Variants in RYK observed in about 807,000 individuals in gnomAD.
RYK encodes receptor like tyrosine kinase.
Under a neutral mutation model 70.2 loss-of-function variants are expected in RYK, and 21 were observed. That is an observed-to-expected ratio of 0.30 (90% CI 0.21 to 0.43). The LOEUF is 0.43. RYK is among the 20% of genes least tolerant of loss of function. RYK has a pLI of 1.00. For missense variants in RYK, 604 were observed against 753.3 expected, an observed-to-expected ratio of 0.80 and a Z score of 2.32; for synonymous variants, 267 against 278.0, an observed-to-expected ratio of 0.96 and a Z score of 0.39.
chr3:134,185,948 G>A (rs374185039), intron 9 of RYK, among the ~76,000 whole-genome samples: 1 of 152,026 alleles, frequency 6.6e-6, no homozygotes, highest in South Asian at 2.1e-4. Context: ...AGAAAAACTC[G>A]TTTTCTTGGA....
At chr3:134,212,908 T>C (rs1361901180) in intron 2 of RYK, among the ~76,000 whole-genome samples, 3 of 152,230 alleles carry the variant, frequency 2.0e-5, no homozygotes, top group Admixed American at 6.5e-5. Context: ...TATGCAAACA[T>C]TAAACTCTTC....
chr3:134,163,608 T>A lies in RYK; in HGVS notation c.1576-4235A>T, dbSNP rs539338139. On this transcript the variant is annotated intron_variant, in intron 13 of 14. Coordinates refer to ENST00000623711, the MANE Select transcript of RYK (RefSeq NM_002958.4). ...AAAAGTATGTAAGTAAAATTCCTTT[T>A]TTCTTTTAGTGCAGCATTAACTAAA... 1.4e-3 allele frequency among the ~76,000 whole-genome samples: 214 copies of A among 152,354 alleles called. 2 individuals carry two copies. Among genetic ancestry groups the A allele is most frequent in the Admixed American group, 3.6e-3 (55 of 15,312 alleles).
chr3:134,169,935 AT>A (rs1175722016), intron 13 of RYK, among the ~76,000 whole-genome samples: 2 of 152,204 alleles, frequency 1.3e-5, no homozygotes, highest in Non-Finnish European at 2.9e-5. Flanking sequence ...ACAGAATATA[AT>A]GACTGTGTGT....
chr3:134,192,100 C>T (rs1226627804), intron 7 of RYK, 126 bp from the exon 8 acceptor site: 15 of 879,546 alleles, frequency 1.7e-5, no homozygotes, highest in Non-Finnish European at 2.6e-5. Flanking sequence ...TAAAAGGAAA[C>T]AGGCATATAT....
chr3:134,214,677 G>A (rs1346431645), intron 2 of RYK, among the ~76,000 whole-genome samples: 1 of 152,110 alleles, frequency 6.6e-6, no homozygotes, highest in Non-Finnish European at 1.5e-5. Flanking sequence ...CAGTCTCAGG[G>A]GAGGCCCTTA....
At chr3:134,199,163 A>G (rs1200106858) in intron 6 of RYK, among the ~76,000 whole-genome samples, 2 of 152,272 alleles carry the variant, frequency 1.3e-5, no homozygotes, top group African/African-American at 2.4e-5. Flanking sequence ...GGAAAGCCAC[A>G]CACATGAGCT....
intron 10 of RYK, chr3:134,178,330 G>C (rs895764688): frequency 6.0e-6 from 2 of 334,420 alleles, no homozygotes; most frequent in South Asian, 4.6e-5. Context: ...CTGTGGGCTG[G>C]ATTCTCTGAA....
intron 10 of RYK, among the ~76,000 whole-genome samples, chr3:134,182,006 A>T (rs1299185000): frequency 6.6e-6 from 1 of 152,148 alleles, no homozygotes; most frequent in Non-Finnish European, 1.5e-5. Context: ...TCTACTAAAA[A>T]TAGAAAAAAT....
At chr3:134,195,264 T>G (rs928371913) in intron 6 of RYK, 82 bp from the exon 7 acceptor site, 9 of 951,022 alleles carry the variant, frequency 9.5e-6, no homozygotes, top group Non-Finnish European at 1.3e-5. Flanking sequence ...AAAATGCACA[T>G]AGCCATTAAA....
In RYK at chr3:134,229,046, G is replaced by C. The variant is rs79643149; in HGVS notation, c.233-6507C>G. On this transcript the variant is annotated intron_variant, in intron 1 of 14. Transcript: ENST00000623711. ...TAAATGTTTAAAAAACTCTTCCTAGGGTTACAAGTAAAAAAATAAATAAAC... is the reference window on the plus strand; with the variant it reads ...TAAATGTTTAAAAAACTCTTCCTAGCGTTACAAGTAAAAAAATAAATAAAC... 3.5e-3 allele frequency among the ~76,000 whole-genome samples: 526 copies of C among 151,862 alleles called. 2 individuals are homozygous for C. The highest frequency in any genetic ancestry group is 0.012 in the African/African-American group (507 of 41,406).
At chr3:134,207,076 T>A (rs2014236606) in intron 5 of RYK, among the ~76,000 whole-genome samples, 1 of 152,120 alleles carries the variant, frequency 6.6e-6, no homozygotes, top group South Asian at 2.1e-4. Flanking sequence ...TTAAGTAACA[T>A]AATATCTTTA....
intron 10 of RYK, among the ~76,000 whole-genome samples, chr3:134,182,413 C>T (rs941600567): frequency 2.6e-5 from 4 of 152,048 alleles, no homozygotes; most frequent in Non-Finnish European, 5.9e-5. Flanking sequence ...AGAAAACTAT[C>T]TTCTTTTTAT....
At chr3:134,164,432 C>T (rs1158336654) in intron 13 of RYK, among the ~76,000 whole-genome samples, 1 of 152,208 alleles carries the variant, frequency 6.6e-6, no homozygotes, top group African/African-American at 2.4e-5. Flanking sequence ...ACCAGCACTA[C>T]CATCCCCAAG....
rs377432008 is a variant in RYK, at chr3:134,202,921, C to T, written c.644-47G>A. ...CATTTAGCTTTTTAAACAAATATGA[C>T]TGCTTTGTGACCCAATATACATAAA... On this transcript the variant is annotated intron_variant, in intron 5 of 14. Coordinates refer to ENST00000623711, the MANE Select transcript of RYK (RefSeq NM_002958.4). The T allele has an allele frequency of 1.8e-5, 27 of 1,535,480 alleles. No individual in the cohort carries two copies. In the African/African-American group the frequency reaches 3.0e-4, roughly 17 times the overall value.
chr3:134,163,180 G>A (rs2012535791), intron 13 of RYK, among the ~76,000 whole-genome samples: 1 of 152,066 alleles, frequency 6.6e-6, no homozygotes, highest in South Asian at 2.1e-4. Context: ...AAGCCAAAGG[G>A]AACAATGCAG....
intron 13 of RYK, among the ~76,000 whole-genome samples, chr3:134,173,940 T>C (rs896666667): frequency 3.9e-5 from 6 of 152,216 alleles, no homozygotes; most frequent in African/African-American, 1.4e-4. Flanking sequence ...CCCAAAGATA[T>C]GCCCATGTCC....
Position 134,250,416 on chromosome 3 carries a change from C to A in RYK, c.232+7G>T. On this transcript the variant is annotated splice_region_variant and intron_variant, in intron 1 of 14. Coordinates refer to ENST00000623711, the MANE Select transcript of RYK (RefSeq NM_002958.4). ...CTGCCCGCCCCGGCCTCGGCGGCCC[C>A]ACTCACCGATCAGCCGGCGCACCTC... 7.2e-7 allele frequency: 1 copy of A among 1,392,656 alleles called. No homozygotes were observed. Among genetic ancestry groups the A allele is most frequent in the South Asian group, 1.5e-5 (1 of 65,800 alleles). The allele number at this position is 1,392,656 out of a possible 1,614,324, so 86.3% of individuals were successfully genotyped here. A position where few individuals can be genotyped will look rare whatever the true frequency, so the allele number is the denominator to read the frequency against.
chr3:134,157,296 C>A lies in RYK; in HGVS notation c.*857G>T. On this transcript the variant is annotated 3_prime_UTR_variant, in exon 15 of 15. Transcript: ENST00000623711. ...TCTGTGCATAGCACTATTCTAGGTG[C>A]AATAAAAGGGAATCTTAACCTTAGA... 6.6e-6 allele frequency: 1 copy of A among 152,512 alleles called. No individual in the cohort carries two copies. The highest frequency in any genetic ancestry group is 1.9e-4 in the East Asian group (1 of 5,198). The allele number at this position is 152,512 out of a possible 1,614,324, so 9.4% of individuals were successfully genotyped here.
chr3:134,175,623 T>C lies in RYK; in HGVS notation c.1561A>G (p.Ser521Gly). Residue 521 changes from serine (S) to glycine (G), a missense_variant, in exon 13 of 15, where the codon AGC (serine) becomes GGC (glycine). By Grantham distance (56) the Ser-to-Gly change is moderately conservative (BLOSUM62 0). Around this residue, in one of 2 missense-constraint regions of RYK, gnomAD observed 138 missense variants for 217.4 expected, o/e 0.63. Transcript: ENST00000623711. Reference protein sequence around the residue: ...LESLVNNEFSSASDVWAFGVT... With the variant: ...LESLVNNEFSGASDVWAFGVT... ...CCGGCACTTACCACATCACTAGCGC[T>C]AGAGAACTCGTTATTAACCAGACTT... is the stretch of plus-strand genomic sequence containing the variant. 6.2e-7 allele frequency: 1 copy of C among 1,613,752 alleles called. No individual in the cohort carries two copies. The highest frequency in any genetic ancestry group is 8.5e-7 in the Non-Finnish European group (1 of 1,179,800).
Sources: gnomAD v4.1 joint callset for allele counts (sites outside exome capture counted in the v4.1 genomes callset) on GRCh38, gnomAD v4.1.1 for gene constraint, gnomAD v4.1.1 regional missense constraint, MANE v1.5 for transcripts, NCBI Gene and HGNC (gene_info 2026-07-23, HGNC 2026-07-21) for gene names.